NOL4L: variants seen among roughly 807,000 people sequenced by gnomAD.
The protein encoded by NOL4L is nucleolar protein 4 like, also known as nucleolar protein 4-like.
Under a neutral mutation model 64.5 loss-of-function variants are expected in NOL4L, and 7 were observed. The ratio of observed to expected loss-of-function variants is 0.11; its 90% CI spans 0.06 to 0.20. NOL4L has a LOEUF of 0.20. Among genes scored for constraint, NOL4L ranks in the 10% least tolerant of loss-of-function variants. NOL4L has a pLI of 1.00. For missense variants in NOL4L, 680 were observed against 967.1 expected (o/e 0.70, Z 3.94); for synonymous variants, 413 against 401.0 (o/e 1.03, Z -0.36).
chr20:32,483,473 T>C, intron 4 of NOL4L: 10 of 989,294 alleles, frequency 1.0e-5, no homozygotes, highest in Non-Finnish European at 1.2e-5. Flanking sequence ...CCGCCGCGGC[T>C]GCCCGGGGAG....
intron 1 of NOL4L, among the ~76,000 whole-genome samples, chr20:32,540,527 C>G (rs1428124362): frequency 6.6e-6 from 1 of 152,204 alleles, no homozygotes; most frequent in African/African-American, 2.4e-5. Flanking sequence ...GCCCCCACAC[C>G]TGCCCAGCAC....
At chr20:32,475,346 C>T in intron 4 of NOL4L, 7 of 985,472 alleles carry the variant, frequency 7.1e-6, no homozygotes, top group Non-Finnish European at 8.4e-6. Context: ...AGGGCCAGCC[C>T]CAGAAGTGCA....
intron 5 of NOL4L, among the ~76,000 whole-genome samples, chr20:32,465,721 C>T (rs1012735864): frequency 1.3e-5 from 2 of 152,278 alleles, no homozygotes; most frequent in South Asian, 2.1e-4. Flanking sequence ...CCAGCCCTCC[C>T]GGAAGCCAGT....
intron 2 of NOL4L, 70 bp downstream of exon 2, chr20:32,527,688 A>G (rs1003284925): frequency 1.6e-4 from 238 of 1,476,414 alleles, no homozygotes; most frequent in Middle Eastern, 2.0e-4. Flanking sequence ...CAAGCCCAAC[A>G]TGTGCGGAGC....
At chr20:32,485,085 A>AAAAAAAAAAAAAAAAAAAAC (rs1568643237) in intron 4 of NOL4L, among the ~76,000 whole-genome samples, 7 of 144,410 alleles carry the variant, frequency 4.8e-5, no homozygotes, top group East Asian at 4.2e-4. Context: ...AAAAAAAAAA[A>AAAAAAAAAAAAAAAAAAAAC]AACAACTAAA....
intron 4 of NOL4L, among the ~76,000 whole-genome samples, chr20:32,509,392 C>T (rs745764389): frequency 3.4e-4 from 51 of 151,760 alleles, no homozygotes; most frequent in Non-Finnish European, 6.0e-4. Context: ...GTGGCAGGTG[C>T]CTGTAACCCC....
At chr20:32,468,192 C>T (rs771935009) in intron 5 of NOL4L, among the ~76,000 whole-genome samples, 5 of 152,168 alleles carry the variant, frequency 3.3e-5, no homozygotes, top group Admixed American at 6.5e-5. Context: ...GCACAGCACC[C>T]AGGACCTGCC....
chr20:32,512,000 G>A (rs776128261), intron 3 of NOL4L, among the ~76,000 whole-genome samples: 1 of 152,046 alleles, frequency 6.6e-6, no homozygotes, highest in Non-Finnish European at 1.5e-5. Context: ...GCAACAGAGT[G>A]AGAATCTATC....
rs146019594 is a variant in NOL4L, at chr20:32,510,203, G to A, written c.699+1144C>T. The A allele has an allele frequency of 1.2e-3, 418 of 356,884 alleles. 1 individual carries two copies. Among genetic ancestry groups the A allele is most frequent in the African/African-American group, 8.6e-3 (401 of 46,864 alleles). 22.1% of individuals were successfully genotyped at this position (356,884 alleles called of 1,614,324 possible). Reference sequence around the variant, plus strand: ...AACAGGCACGCTCAGATGAGAAGACGTGGGAGACACAGTTCTAGCAAACAG... The same window carrying A: ...AACAGGCACGCTCAGATGAGAAGACATGGGAGACACAGTTCTAGCAAACAG... On this transcript the variant is annotated intron_variant, in intron 4 of 10. Transcript: ENST00000621426.
At chr20:32,488,875 CTTTCTTTCT>C (rs2016322951) in intron 4 of NOL4L, among the ~76,000 whole-genome samples, 1 of 85,826 alleles carries the variant, frequency 1.2e-5, no homozygotes, top group African/African-American at 6.0e-5. Context: ...TTCTTTCTTT[CTTTCTTTCT>C]TTCTTTCTTT....
chr20:32,488,867 CTTTCTTTCTTTCTTT>C (rs2016319166), intron 4 of NOL4L, among the ~76,000 whole-genome samples: 2 of 82,534 alleles, frequency 2.4e-5, no homozygotes, highest in African/African-American at 5.9e-5. Flanking sequence ...TTCTTTCTTT[CTTTCTTTCTTTCTTT>C]CTTTCTTTCT....
At chr20:32,473,047 C>A (rs2015132913) in intron 5 of NOL4L, among the ~76,000 whole-genome samples, 1 of 152,186 alleles carries the variant, frequency 6.6e-6, no homozygotes, top group African/African-American at 2.4e-5. Context: ...CCTGACAGCC[C>A]CCAAATCACC....
At chr20:32,574,610 C>A (rs981211087) in intron 1 of NOL4L, among the ~76,000 whole-genome samples, 1 of 152,128 alleles carries the variant, frequency 6.6e-6, no homozygotes, top group African/African-American at 2.4e-5. Flanking sequence ...GAAGGAAGGG[C>A]CCCATGTCTC....
chr20:32,504,335 T>C (rs1176727547), intron 4 of NOL4L, among the ~76,000 whole-genome samples: 1 of 151,892 alleles, frequency 6.6e-6, no homozygotes, highest in South Asian at 2.1e-4. Context: ...CTGAGGTGGG[T>C]AGATCACGAG....
chr20:32,448,858 T>C (rs2012580695), intron 10 of NOL4L, among the ~76,000 whole-genome samples: 1 of 152,226 alleles, frequency 6.6e-6, no homozygotes, highest in African/African-American at 2.4e-5. Context: ...CCTGCTCTGC[T>C]ACTTCATTGG....
At chr20:32,459,558 T>C (rs1436973106) in intron 5 of NOL4L, among the ~76,000 whole-genome samples, 1 of 152,134 alleles carries the variant, frequency 6.6e-6, no homozygotes, top group African/African-American at 2.4e-5. Flanking sequence ...TAATTTTGTG[T>C]ATTTTTAGTG....
At position 32,452,224 on chromosome 20, in the gene NOL4L, C is replaced by T. The variant is rs766699175; in HGVS notation, c.1822+12G>A. 4.0e-6 allele frequency: 6 copies of T among 1,518,816 alleles called. No homozygotes were observed. The highest frequency in any genetic ancestry group is 4.4e-6 in the Non-Finnish European group (5 of 1,128,250). 94.1% of individuals were successfully genotyped at this position (1,518,816 alleles called of 1,614,324 possible). The stretch of plus-strand genomic sequence containing the variant: ...GGTCGGGAAGCCAGAGCCCAGGCCT[C>T]CCCCGACTCACCATTACTGTGGTTT... On this transcript the variant is annotated intron_variant, in intron 10 of 10. Coordinates refer to ENST00000621426, the MANE Select transcript of NOL4L (RefSeq NM_001256798.2).
chr20:32,508,777 C>T (rs2017246047), intron 4 of NOL4L, among the ~76,000 whole-genome samples: 1 of 152,208 alleles, frequency 6.6e-6, no homozygotes, highest in Admixed American at 6.5e-5. Flanking sequence ...TGGGAGCTAC[C>T]AGAGCCTCAC....
Position 32,453,758 on chromosome 20 carries a change from G to C in NOL4L, c.1123C>G (p.Pro375Ala). 1 of 1,552,678 alleles carries C rather than the reference G, an allele frequency of 6.4e-7. No individual in the cohort carries two copies. The highest frequency in any genetic ancestry group is 8.7e-7 in the Non-Finnish European group (1 of 1,147,442). Residue 375 changes from proline (P) to alanine (A), a missense_variant, in exon 7 of 11, where the codon CCC becomes GCC. Around this residue, in one of 4 missense-constraint regions of NOL4L, gnomAD observed 254 missense variants for 238.7 expected, o/e 1.06. Coordinates refer to ENST00000621426, the MANE Select transcript of NOL4L (RefSeq NM_001256798.2). The surrounding 1 kb of genome is among the most constrained non-coding windows in gnomAD (Gnocchi z 5.6). ...TCGTAGCTCCCAGAGCTGTAGGGGG[G>C]GGACTAAAAGGAGGGCAAGAGGCAG... ...KYGVKTTPES[P>A]PYSSGSYDSI...
Sources: gnomAD v4.1 joint callset for allele counts (sites outside exome capture counted in the v4.1 genomes callset) on GRCh38, gnomAD v4.1.1 for gene constraint, gnomAD v4.1.1 regional missense constraint, Gnocchi (gnomAD v3.1) non-coding constraint, MANE v1.5 for transcripts, NCBI Gene and HGNC (gene_info 2026-07-23, HGNC 2026-07-21) for gene names.